CDH13: variants seen among roughly 807,000 people sequenced by gnomAD.
CDH13 encodes the protein cadherin 13.
Under a neutral mutation model 63.8 loss-of-function variants are expected in CDH13, and 24 were observed. The ratio of observed to expected loss-of-function variants is 0.38; its 90% confidence interval spans 0.27 to 0.53. The LOEUF is 0.53. CDH13 is among the 20% of genes least tolerant of loss of function. The pLI is 0.85. For missense variants in CDH13, 1,049 were observed against 903.1 expected (o/e 1.16, Z -2.07); for synonymous variants, 503 against 355.3 (o/e 1.42, Z -4.67).
intron 1 of CDH13, among the ~76,000 whole-genome samples, chr16:82,752,467 C>A (rs1278639997): frequency 1.3e-5 from 2 of 152,222 alleles, no homozygotes; most frequent in East Asian, 3.8e-4. Flanking sequence ...TAGTCCAGAG[C>A]CCTGTTTTGA....
intron 1 of CDH13, among the ~76,000 whole-genome samples, chr16:82,788,696 T>TC (rs1345305025): frequency 6.6e-6 from 1 of 152,220 alleles, no homozygotes; most frequent in Non-Finnish European, 1.5e-5. Flanking sequence ...CCAGCAGATC[T>TC]CACAGTTAAT....
chr16:83,775,653 C>T (rs1020696700), intron 11 of CDH13, among the ~76,000 whole-genome samples: 3 of 151,638 alleles, frequency 2.0e-5, no homozygotes, highest in Non-Finnish European at 4.4e-5. Flanking sequence ...GGAGTGGTGG[C>T]TTATGAGCCA....
chr16:83,074,852 C>T (rs897239341), intron 3 of CDH13, among the ~76,000 whole-genome samples: 4 of 152,196 alleles, frequency 2.6e-5, no homozygotes, highest in Non-Finnish European at 5.9e-5. Context: ...CCAGACATCA[C>T]GTGGACTGTC....
intron 3 of CDH13, among the ~76,000 whole-genome samples, chr16:83,061,837 G>C (rs1478800021): frequency 2.6e-5 from 4 of 152,204 alleles, no homozygotes; most frequent in African/African-American, 7.2e-5. Flanking sequence ...TTCAACTTCA[G>C]ATGGTCAATG....
intron 5 of CDH13, among the ~76,000 whole-genome samples, chr16:83,238,579 G>A (rs1904284888): frequency 6.6e-6 from 1 of 152,182 alleles, no homozygotes; most frequent in African/African-American, 2.4e-5. Flanking sequence ...GTGGTTGTGT[G>A]ATGGATTTCT....
At chr16:82,952,367 G>A (rs1905416331) in intron 2 of CDH13, among the ~76,000 whole-genome samples, 1 of 152,132 alleles carries the variant, frequency 6.6e-6, no homozygotes, top group African/African-American at 2.4e-5. Context: ...GCAAAGCTGA[G>A]ACAACACTTG....
chr16:82,726,132 C>T (rs556085277), intron 1 of CDH13, among the ~76,000 whole-genome samples: 10 of 152,206 alleles, frequency 6.6e-5, no homozygotes, highest in East Asian at 3.9e-4. Flanking sequence ...GATATCCAGA[C>T]GTAAATGTGT....
intron 7 of CDH13, among the ~76,000 whole-genome samples, chr16:83,578,690 C>T (rs1023146795): frequency 3.9e-5 from 6 of 152,192 alleles, no homozygotes; most frequent in Non-Finnish European, 7.3e-5. Flanking sequence ...AATGAACATA[C>T]ATAGATGGTC....
At chr16:83,046,277 A>G (rs1917775395) in intron 3 of CDH13, among the ~76,000 whole-genome samples, 1 of 152,186 alleles carries the variant, frequency 6.6e-6, no homozygotes, top group Admixed American at 6.5e-5. Flanking sequence ...AATTGCTTCT[A>G]TCTTTCTTAA....
intron 4 of CDH13, among the ~76,000 whole-genome samples, chr16:83,184,372 C>T (rs1270984131): frequency 2.0e-5 from 3 of 152,144 alleles, no homozygotes; most frequent in Non-Finnish European, 4.4e-5. Context: ...TATCATTCCT[C>T]AACCAACAGA....
intron 1 of CDH13, among the ~76,000 whole-genome samples, chr16:82,672,999 C>CTTTTTTT (rs562942948): frequency 0.089 from 7,177 of 80,622 alleles, 1,412 homozygotes; most frequent in East Asian, 0.17. Flanking sequence ...ATAAAGTTTT[C>CTTTTTTT]TTTTTTTTTT....
intron 6 of CDH13, among the ~76,000 whole-genome samples, chr16:83,355,151 G>C (rs751069024): frequency 3.3e-5 from 5 of 152,118 alleles, no homozygotes; most frequent in Non-Finnish European, 5.9e-5. Context: ...AGAGAAATAG[G>C]GAAACAAGGC....
chr16:83,693,232 C>T (rs1044014694), intron 10 of CDH13, among the ~76,000 whole-genome samples: 4 of 152,162 alleles, frequency 2.6e-5, no homozygotes, highest in African/African-American at 9.7e-5. Context: ...AGTGTCCCCA[C>T]CTGAAACATG....
At position 83,736,679 on chromosome 16, in the gene CDH13, G is replaced by A. The variant is rs955100071; in HGVS notation, c.1539-11429G>A. ...AGGGCAGTGGCAGTGAGCGCCTAGCGGAAACTATGTCAATCACCCCTGGAA... is the reference window on the plus strand; with the variant it reads ...AGGGCAGTGGCAGTGAGCGCCTAGCAGAAACTATGTCAATCACCCCTGGAA... On this transcript the variant is annotated intron_variant, in intron 10 of 13. Transcript: ENST00000567109. Among the ~76,000 whole-genome samples, 8 of 152,274 alleles carry A rather than the reference G, an allele frequency of 5.3e-5. No individual in the cohort carries two copies. The East Asian group carries it at 7.7e-4, about 15-fold the overall frequency.
chr16:83,341,579 G>C (rs1193562326), intron 5 of CDH13, among the ~76,000 whole-genome samples: 2 of 152,104 alleles, frequency 1.3e-5, no homozygotes, highest in African/African-American at 4.8e-5. Context: ...ATTTTATTCA[G>C]TCTACTATGT....
At chr16:83,667,414 A>C (rs951812260) in intron 8 of CDH13, among the ~76,000 whole-genome samples, 1 of 151,670 alleles carries the variant, frequency 6.6e-6, no homozygotes, top group African/African-American at 2.4e-5. Flanking sequence ...CCACCCACCT[A>C]CCCATCCATC....
chr16:83,291,836 T>G (rs2089473565), intron 5 of CDH13, among the ~76,000 whole-genome samples: 1 of 152,176 alleles, frequency 6.6e-6, no homozygotes, highest in African/African-American at 2.4e-5. Flanking sequence ...GTACGTTTGG[T>G]CTCTTACATA....
intron 1 of CDH13, among the ~76,000 whole-genome samples, chr16:82,788,181 G>T (rs892511274): frequency 6.6e-6 from 1 of 152,170 alleles, no homozygotes; most frequent in Non-Finnish European, 1.5e-5. Flanking sequence ...CCTAGAGAGA[G>T]AGGAAAAAAA....
intron 5 of CDH13, among the ~76,000 whole-genome samples, chr16:83,297,375 T>TAAAAA (rs765740810): frequency 1.3e-5 from 2 of 152,138 alleles, no homozygotes; most frequent in Non-Finnish European, 2.9e-5. Flanking sequence ...GTACGTCAAT[T>TAAAAA]ATTATGTGTC....
Sources: gnomAD v4.1 joint callset for allele counts (sites outside exome capture counted in the v4.1 genomes callset) on GRCh38, gnomAD v4.1.1 for gene constraint, MANE v1.5 for transcripts, NCBI Gene and HGNC (gene_info 2026-07-23, HGNC 2026-07-21) for gene names.